VPS13B: variants seen among roughly 807,000 people sequenced by gnomAD.
VPS13B encodes the protein vacuolar protein sorting 13 homolog B.
A neutral mutation model predicts 426.4 loss-of-function variants in VPS13B; 285 were observed. The observed-to-expected ratio is 0.67, with a 90% CI of 0.61 to 0.74. VPS13B has a LOEUF of 0.74. Among genes scored for constraint, VPS13B ranks in the 30% least tolerant of loss-of-function variants. The pLI is 0.00. For synonymous variants in VPS13B, 1,676 were observed against 1,676.4 expected, an observed-to-expected ratio of 1.00 and a Z score of 0.01; for missense variants, 4,537 against 4,782.6, an observed-to-expected ratio of 0.95 and a Z score of 1.51.
intron 30 of VPS13B, among the ~76,000 whole-genome samples, chr8:99,531,016 T>C (rs986105723): frequency 2.0e-5 from 3 of 152,264 alleles, no homozygotes; most frequent in Non-Finnish European, 4.4e-5. Context: ...TTCAAATTTA[T>C]ATTCCATTAA....
chr8:99,506,466 A>G (rs1253957869), intron 27 of VPS13B, among the ~76,000 whole-genome samples: 1 of 152,236 alleles, frequency 6.6e-6, no homozygotes, highest in African/African-American at 2.4e-5. Context: ...TATAAATTAT[A>G]GATATTCAGA....
chr8:99,286,673 T>TAACC (rs1182831945), intron 19 of VPS13B, among the ~76,000 whole-genome samples: 1 of 152,148 alleles, frequency 6.6e-6, no homozygotes, highest in Non-Finnish European at 1.5e-5. Flanking sequence ...CAGAATCAGA[T>TAACC]AACCTGCAAG....
Position 99,697,384 on chromosome 8 carries a change from G to A in VPS13B, c.6047-2141G>A. The A allele has an allele frequency of 1.3e-5, 8 of 608,788 alleles. No individual in the cohort carries two copies. The South Asian group carries it at 1.6e-4, about 12-fold the overall frequency. 37.7% of individuals were successfully genotyped at this position (608,788 alleles called of 1,614,324 possible). A position where few individuals can be genotyped will look rare whatever the true frequency, so the allele number is the denominator to read the frequency against. On this transcript the variant is annotated intron_variant, in intron 35 of 61. Coordinates refer to ENST00000357162, the MANE Select transcript of VPS13B (RefSeq NM_152564.5). ...CCAGAAGTGCCTGAAGCAGTCCTGT[G>A]GTCAGAGACCCTGAAGGACACTGCC...
intron 35 of VPS13B, among the ~76,000 whole-genome samples, chr8:99,687,037 G>A (rs928206755): frequency 1.3e-5 from 2 of 152,032 alleles, no homozygotes; most frequent in African/African-American, 2.4e-5. Flanking sequence ...GGGTGCTACT[G>A]CTAATTATTT....
chr8:99,286,475 T>C (rs1819449575), intron 19 of VPS13B, among the ~76,000 whole-genome samples: 1 of 152,142 alleles, frequency 6.6e-6, no homozygotes, highest in Non-Finnish European at 1.5e-5. Flanking sequence ...ATCAGTAATA[T>C]CAAAATAGAT....
At chr8:99,336,544 C>T (rs367593032) in intron 19 of VPS13B, among the ~76,000 whole-genome samples, 11 of 152,062 alleles carry the variant, frequency 7.2e-5, no homozygotes, top group African/African-American at 2.7e-4. Flanking sequence ...AGCTTCTGCA[C>T]AGCAAAAGAA....
chr8:99,807,616 A>T (rs952973160), intron 43 of VPS13B, among the ~76,000 whole-genome samples: 1 of 151,762 alleles, frequency 6.6e-6, no homozygotes, highest in South Asian at 2.1e-4. Flanking sequence ...TGGTACTTTT[A>T]TGTTGTAGAG....
intron 33 of VPS13B, among the ~76,000 whole-genome samples, chr8:99,641,401 G>A (rs549670503): frequency 1.3e-5 from 2 of 152,082 alleles, no homozygotes; most frequent in African/African-American, 2.4e-5. Flanking sequence ...CTACTTCTAC[G>A]TAAAATGTAA....
At chr8:99,365,516 C>CT (rs1554754985) in intron 19 of VPS13B, among the ~76,000 whole-genome samples, 3,060 of 102,288 alleles carry the variant, frequency 0.03, 230 homozygotes, top group African/African-American at 0.11. Context: ...TCTTCTTCTT[C>CT]TTTTTTTTTT....
At chr8:99,230,748 C>T (rs1288110932) in intron 17 of VPS13B, among the ~76,000 whole-genome samples, 1 of 152,152 alleles carries the variant, frequency 6.6e-6, no homozygotes, top group African/African-American at 2.4e-5. Flanking sequence ...CATGACTGTT[C>T]TATAAATGGA....
intron 39 of VPS13B, among the ~76,000 whole-genome samples, chr8:99,744,917 A>G (rs1264100220): frequency 2.0e-5 from 3 of 152,092 alleles, no homozygotes; most frequent in Admixed American, 6.6e-5. Context: ...ACATGTATAC[A>G]TATGTAACTA....
At chr8:99,699,262 G>GCCCT (rs1438236377) in intron 35 of VPS13B, among the ~76,000 whole-genome samples, 3 of 151,122 alleles carry the variant, frequency 2.0e-5, no homozygotes, top group Non-Finnish European at 2.9e-5. Context: ...TCCTTGTGTG[G>GCCCT]CCCTCGATGT....
intron 8 of VPS13B, among the ~76,000 whole-genome samples, chr8:99,127,234 TC>T (rs1227780593): frequency 6.6e-6 from 1 of 152,236 alleles, no homozygotes; most frequent in Non-Finnish European, 1.5e-5. Context: ...TTTGACCCTC[TC>T]TTCTTTTCTA....
intron 19 of VPS13B, among the ~76,000 whole-genome samples, chr8:99,298,297 T>G (rs1820155724): frequency 6.6e-6 from 1 of 152,130 alleles, no homozygotes; most frequent in South Asian, 2.1e-4. Flanking sequence ...GAGACCAGCC[T>G]GACCAATATG....
chr8:99,486,165 G>T (rs1186521398), intron 25 of VPS13B, among the ~76,000 whole-genome samples: 1 of 151,986 alleles, frequency 6.6e-6, no homozygotes, highest in South Asian at 2.1e-4. Context: ...ATCAACAAGG[G>T]TTTGTCTTAT....
chr8:99,642,078 G>A lies in VPS13B; in HGVS notation c.5488G>A (p.Ala1830Thr), dbSNP rs1277099572. The stretch of plus-strand genomic sequence containing the variant: ...CTCACTAATGACCTATTCCTGTATG[G>A]CCTTATCCAAATCGAAATCACAAGA... ...RISLMTYSCM[A>T]LSKSKSQEQK... The change falls in exon 34 of 62, where the codon GCC becomes ACC. Residue 1830 changes from alanine (A) to threonine (T), a missense_variant. Ala to Thr is a moderately conservative substitution (Grantham distance 58). Transcript: ENST00000357162. The A allele has an allele frequency of 6.2e-7, 1 of 1,613,890 alleles. No individual in the cohort carries two copies. The highest frequency in any genetic ancestry group is 2.2e-5 in the East Asian group (1 of 44,870).
intron 24 of VPS13B, among the ~76,000 whole-genome samples, chr8:99,473,867 G>GA (rs1230127933): frequency 6.6e-6 from 1 of 152,068 alleles, no homozygotes; most frequent in Non-Finnish European, 1.5e-5. Flanking sequence ...CAAACAACCG[G>GA]AAAATGGAAT....
At position 99,875,740 on chromosome 8, in the gene VPS13B, T is replaced by C. The variant is rs1817670255; in HGVS notation, c.*74T>C. On this transcript the variant is annotated 3_prime_UTR_variant, in exon 62 of 62. Coordinates refer to ENST00000357162, the MANE Select transcript of VPS13B (RefSeq NM_152564.5). ...TTCTTTGAGACAGGGTCTCACTGCA[T>C]TGCCCTTGCTGACCTCAAATTCTGG... 2.5e-6 allele frequency: 4 copies of C among 1,590,564 alleles called. No homozygotes were observed. Among genetic ancestry groups the C allele is most frequent in the South Asian group, 2.2e-5 (2 of 89,698 alleles).
At chr8:99,769,996 C>A (rs80318201) in intron 40 of VPS13B, among the ~76,000 whole-genome samples, 6,964 of 151,832 alleles carry the variant, frequency 0.046, 169 homozygotes, top group African/African-American at 0.061. Flanking sequence ...TGTCTCCACA[C>A]AAAAATTTAA....
Sources: allele counts gnomAD v4.1 joint callset (sites outside exome capture counted in the v4.1 genomes callset), GRCh38; gene constraint gnomAD v4.1.1; transcripts MANE v1.5; gene names NCBI Gene and HGNC (gene_info 2026-07-23, HGNC 2026-07-21).